CSMD3: variants seen among roughly 807,000 people sequenced by gnomAD.
The protein encoded by CSMD3 is CUB and sushi domain-containing protein 3.
Under a neutral mutation model 435.2 loss-of-function variants are expected in CSMD3, and 177 were observed. That is an observed-to-expected ratio of 0.41 (90% CI 0.36 to 0.46). CSMD3 has a LOEUF of 0.46. Ranked by LOEUF, CSMD3 falls within the 20% of genes least tolerant of loss-of-function variation. CSMD3 has a pLI of 0.34. For synonymous variants in CSMD3, 1,656 were observed against 1,520.5 expected, an observed-to-expected ratio of 1.09 and a Z score of -2.07; for missense variants, 4,265 against 4,504.6, an observed-to-expected ratio of 0.95 and a Z score of 1.52.
chr8:112,747,962 C>CAAAAAAAAAAAAAAA lies in CSMD3; in HGVS notation c.1972+52185_1972+52199dup, dbSNP rs71309788. Reference sequence around the variant, plus strand: ...TGGGCGACAGAACAAGACTCCGTCTCAAAAAAAAAAAAAAAAAAAAAAAAC... The same window carrying CAAAAAAAAAAAAAAA: ...TGGGCGACAGAACAAGACTCCGTCTCAAAAAAAAAAAAAAAAAAAAAAAAAAAAAAAAAAAAAAAC... On this transcript the variant is annotated intron_variant, in intron 13 of 70. Transcript: ENST00000297405. 1.6e-3 allele frequency among the ~76,000 whole-genome samples: 157 copies of CAAAAAAAAAAAAAAA among 96,740 alleles called. 3 individuals are homozygous for CAAAAAAAAAAAAAAA. Among genetic ancestry groups the CAAAAAAAAAAAAAAA allele is most frequent in the Non-Finnish European group, 2.3e-3 (110 of 48,160 alleles). The allele number at this position is 96,740 out of a possible 152,430, so 63.5% of individuals were successfully genotyped here.
chr8:113,252,458 A>AT (rs201837322), intron 3 of CSMD3, among the ~76,000 whole-genome samples: 10,258 of 151,070 alleles, frequency 0.068, 440 homozygotes, highest in Non-Finnish European at 0.095. Context: ...AATTTTATGT[A>AT]TTTTTTTTTA....
intron 27 of CSMD3, among the ~76,000 whole-genome samples, chr8:112,535,173 C>A (rs1586624209): frequency 6.6e-6 from 1 of 151,504 alleles, no homozygotes; most frequent in Admixed American, 6.6e-5. Context: ...CTGGCCAGGG[C>A]AATTAGGCAG....
At chr8:113,240,051 G>C (rs1380707880) in intron 3 of CSMD3, among the ~76,000 whole-genome samples, 2 of 151,862 alleles carry the variant, frequency 1.3e-5, no homozygotes, top group African/African-American at 4.8e-5. Flanking sequence ...TCCCCTCTAT[G>C]TGTCCATGTG....
At chr8:112,554,945 T>C (rs1827987704) in intron 25 of CSMD3, among the ~76,000 whole-genome samples, 1 of 151,970 alleles carries the variant, frequency 6.6e-6, no homozygotes, top group African/African-American at 2.4e-5. Context: ...ATTATAATCA[T>C]AGGCCAAGTG....
chr8:113,042,056 T>C (rs1432562682), intron 5 of CSMD3, among the ~76,000 whole-genome samples: 2 of 152,202 alleles, frequency 1.3e-5, no homozygotes, highest in Non-Finnish European at 2.9e-5. Context: ...TTAATATGTA[T>C]CTACAACATT....
chr8:113,113,271 T>C (rs939968823), intron 4 of CSMD3, among the ~76,000 whole-genome samples: 3 of 152,312 alleles, frequency 2.0e-5, no homozygotes, highest in African/African-American at 4.8e-5. Context: ...CAATCATCCA[T>C]AGTCATATTA....
intron 2 of CSMD3, among the ~76,000 whole-genome samples, chr8:113,284,920 A>C (rs933088454): frequency 6.6e-6 from 1 of 152,206 alleles, no homozygotes; most frequent in Non-Finnish European, 1.5e-5. Flanking sequence ...TCACAGTTGA[A>C]GAAATCACAG....
chr8:113,306,860 T>G (rs184786460), intron 2 of CSMD3, among the ~76,000 whole-genome samples: 3 of 152,276 alleles, frequency 2.0e-5, no homozygotes, highest in Non-Finnish European at 4.4e-5. Flanking sequence ...CTAATTTCTG[T>G]TCCTTAATTA....
intron 11 of CSMD3, among the ~76,000 whole-genome samples, chr8:112,845,766 T>TAATGGA (rs1420064728): frequency 2.6e-5 from 4 of 151,960 alleles, no homozygotes; most frequent in Non-Finnish European, 5.9e-5. Flanking sequence ...CAAAGGAGAA[T>TAATGGA]AATGGAAACC....
chr8:113,310,041 C>T (rs1021911431), intron 2 of CSMD3: 1 of 152,146 alleles, frequency 6.6e-6, no homozygotes, highest in East Asian at 1.9e-4. Flanking sequence ...ATTTCTGTTA[C>T]AGCCAAACAT....
intron 10 of CSMD3, among the ~76,000 whole-genome samples, chr8:112,909,485 T>C (rs2082349066): frequency 6.6e-6 from 1 of 151,726 alleles, no homozygotes. Context: ...CAGTAGATAA[T>C]AACATACAAA....
intron 32 of CSMD3, among the ~76,000 whole-genome samples, chr8:112,462,957 G>C (rs759089443): frequency 6.6e-6 from 1 of 152,136 alleles, no homozygotes; most frequent in Non-Finnish European, 1.5e-5. Context: ...GCTCTCTCAC[G>C]CATTTTGAAA....
At chr8:112,999,251 A>C (rs1464842952) in intron 6 of CSMD3, among the ~76,000 whole-genome samples, 2 of 152,106 alleles carry the variant, frequency 1.3e-5, no homozygotes, top group Non-Finnish European at 2.9e-5. Flanking sequence ...TGCAATTTTA[A>C]ATAGAGTAGT....
intron 10 of CSMD3, among the ~76,000 whole-genome samples, chr8:112,878,938 G>A (rs555866165): frequency 2.0e-5 from 3 of 152,234 alleles, no homozygotes; most frequent in South Asian, 4.1e-4. Context: ...AGCTGAGGAT[G>A]TATGTCACCT....
intron 27 of CSMD3, among the ~76,000 whole-genome samples, chr8:112,540,372 G>A (rs867609252): frequency 2.6e-5 from 4 of 151,984 alleles, no homozygotes; most frequent in African/African-American, 9.7e-5. Context: ...AAATAGTATG[G>A]AGTTTCCCTT....
chr8:112,443,774 T>C (rs1045784588), intron 32 of CSMD3, among the ~76,000 whole-genome samples: 3 of 152,088 alleles, frequency 2.0e-5, no homozygotes, highest in African/African-American at 7.2e-5. Flanking sequence ...TCTCAAAGGA[T>C]GGCAAAATGC....
intron 32 of CSMD3, among the ~76,000 whole-genome samples, chr8:112,428,150 C>T (rs1053608707): frequency 1.3e-5 from 2 of 152,060 alleles, no homozygotes; most frequent in South Asian, 4.1e-4. Flanking sequence ...TTTTAATTTT[C>T]TGATGTAAAC....
At chr8:113,398,297 C>T (rs899299) in intron 1 of CSMD3, among the ~76,000 whole-genome samples, 69,726 of 151,946 alleles carry the variant, frequency 0.46, 16,335 homozygotes, top group African/African-American at 0.53. Context: ...TATTTAATGA[C>T]GTACCAGTCT....
intron 11 of CSMD3, among the ~76,000 whole-genome samples, chr8:112,844,818 C>G (rs1284849153): frequency 6.6e-6 from 1 of 151,890 alleles, no homozygotes; most frequent in Non-Finnish European, 1.5e-5. Flanking sequence ...ACCTTCTTTG[C>G]CCAGTCTCTC....
Sources: allele counts gnomAD v4.1 joint callset (sites outside exome capture counted in the v4.1 genomes callset), GRCh38; gene constraint gnomAD v4.1.1; transcripts MANE v1.5; gene names NCBI Gene and HGNC (gene_info 2026-07-23, HGNC 2026-07-21).